GLB1L: variants seen among roughly 807,000 people sequenced by gnomAD.
GLB1L encodes the protein galactosidase beta 1 like, also known as beta-galactosidase-1-like protein.
Under a neutral mutation model 75.7 loss-of-function variants are expected in GLB1L, and 58 were observed. That is an observed-to-expected ratio of 0.77 (90% CI 0.62 to 0.95). The LOEUF is 0.95. GLB1L is among the 40% of genes least tolerant of loss of function. The pLI is 0.00. For missense variants in GLB1L, 797 were observed against 805.5 expected, an observed-to-expected ratio of 0.99 and a Z score of 0.13; for synonymous variants, 296 against 303.0, an observed-to-expected ratio of 0.98 and a Z score of 0.24.
At position 219,243,637 on chromosome 2, in the gene GLB1L, A is replaced by C; in HGVS notation, c.-64T>G. On this transcript the variant is annotated 5_prime_UTR_variant, in exon 2 of 17. Transcript: ENST00000295759. Reference sequence around the variant, plus strand: ...GACCGTCACGTGTCGGATTCCTGGGAGGGAACCTCAGCGAGCAAGGGGGCG... The same window carrying C: ...GACCGTCACGTGTCGGATTCCTGGGCGGGAACCTCAGCGAGCAAGGGGGCG... 6.5e-7 allele frequency: 1 copy of C among 1,549,672 alleles called. No individual in the cohort carries two copies. The highest frequency in any genetic ancestry group is 8.9e-7 in the Non-Finnish European group (1 of 1,123,114).
At chr2:219,240,342 T>G in intron 5 of GLB1L, 57 bp from the exon 6 acceptor site, 1 of 1,312,970 alleles carries the variant, frequency 7.6e-7, no homozygotes, top group African/African-American at 1.4e-5. Context: ...TGCTCACCAC[T>G]AAATATGGGA....
chr2:219,236,968 G>T lies in GLB1L; in HGVS notation c.*104C>A, dbSNP rs1316943130. The T allele has an allele frequency of 2.1e-5, 17 of 797,462 alleles. No individual in the cohort carries two copies. The highest frequency in any genetic ancestry group is 3.4e-5 in the Non-Finnish European group (17 of 492,770). The allele number at this position is 797,462 out of a possible 1,614,324, so 49.4% of individuals were successfully genotyped here. On this transcript the variant is annotated 3_prime_UTR_variant, in exon 17 of 17. Transcript: ENST00000295759. ...TTTAGTGGAGACGGGGTTTCACCATGTTGGCCAGGCTGGTCTTGAAGTCCT... is the reference window on the plus strand; with the variant it reads ...TTTAGTGGAGACGGGGTTTCACCATTTTGGCCAGGCTGGTCTTGAAGTCCT...
In GLB1L at chr2:219,238,305, G is replaced by A; in HGVS notation, c.1286C>T (p.Pro429Leu). Residue 429 changes from proline (P) to leucine (L), a missense_variant, in exon 14 of 17, where the codon CCA becomes CTA. Pro to Leu is a moderately conservative substitution (Grantham distance 98). Coordinates refer to ENST00000295759, the MANE Select transcript of GLB1L (RefSeq NM_001286423.2). The part of the protein sequence containing the change: ...YMTHTIFEPT[P>L]FWVPNNGVHD... ...GACTCCATTATTTGGCACCCAGAAT[G>A]GTGTTGGCTCAAAAATGGTATGGGT... The A allele has an allele frequency of 1.9e-6, 3 of 1,613,140 alleles. No homozygotes were observed. The highest frequency in any genetic ancestry group is 2.5e-6 in the Non-Finnish European group (3 of 1,179,404).
At chr2:219,243,389 A>G in intron 2 of GLB1L, 75 bp from the exon 3 acceptor site, 2 of 1,590,508 alleles carry the variant, frequency 1.3e-6, no homozygotes, top group South Asian at 1.1e-5. Flanking sequence ...CAAGAGCGGA[A>G]GAGATGGAAC....
At chr2:219,240,401 T>C (rs1951356329) in intron 5 of GLB1L, 116 bp from the exon 6 acceptor site, 1 of 832,110 alleles carries the variant, frequency 1.2e-6, no homozygotes, top group African/African-American at 1.7e-5. Flanking sequence ...CCTTGTATAT[T>C]TGCACGCCAA....
intron 4 of GLB1L, 76 bp downstream of exon 4, chr2:219,242,692 T>C: frequency 1.3e-6 from 2 of 1,558,218 alleles, no homozygotes; most frequent in Non-Finnish European, 1.8e-6. Flanking sequence ...GAGATGGCCC[T>C]AGAGTGTGGG....
In GLB1L at chr2:219,237,307, C is replaced by T. The variant is rs868298488; in HGVS notation, c.1730G>A (p.Trp577Ter). 3 of 1,614,000 alleles carry T rather than the reference C, an allele frequency of 1.9e-6. No homozygotes were observed. Among genetic ancestry groups the T allele is most frequent in the South Asian group, 2.2e-5 (2 of 91,082 alleles). Reference protein sequence around the residue: ...WINGFNLGRYWTKQGPQQTLY... With the variant: ...WINGFNLGRY ...GGTCTGTTGTGGCCCCTGCTTTGTC[C>T]AGTACCGGCCCAAGTTAAACCCATT... Residue 577 changes from tryptophan to a stop codon, truncating the protein, a stop_gained, in exon 17 of 17, where the codon TGG (tryptophan) becomes TAG (stop). Transcript: ENST00000295759. LOFTEE classifies it high-confidence loss of function.
chr2:219,242,384 C>T (rs1300037072), intron 5 of GLB1L, 130 bp downstream of exon 5: 3 of 767,452 alleles, frequency 3.9e-6, no homozygotes, highest in Non-Finnish European at 7.1e-6. Context: ...TAGCATCCTG[C>T]TGGGCATGAA....
intron 11 of GLB1L, 103 bp from the exon 12 acceptor site, chr2:219,238,882 T>G: frequency 2.9e-6 from 3 of 1,028,066 alleles, no homozygotes; most frequent in Non-Finnish European, 4.4e-6. Flanking sequence ...GGGAAGGGCT[T>G]CAGGGATCAT....
Position 219,239,549 on chromosome 2 carries a change from G to A in GLB1L, c.902+12C>T, listed in dbSNP as rs747002150. On this transcript the variant is annotated intron_variant, in intron 9 of 16. Coordinates refer to ENST00000295759, the MANE Select transcript of GLB1L (RefSeq NM_001286423.2). Reference sequence around the variant, plus strand: ...GCTACAGATTCATATTGCCCCCAGTGTCTTTACTTACATGTTCACACTGGC... The same window carrying A: ...GCTACAGATTCATATTGCCCCCAGTATCTTTACTTACATGTTCACACTGGC... The A allele has an allele frequency of 6.2e-6, 10 of 1,614,056 alleles. No homozygotes were observed. The highest frequency in any genetic ancestry group is 6.8e-6 in the Non-Finnish European group (8 of 1,180,040).
rs2125059381 is a variant in GLB1L, at chr2:219,242,867, A to T, written c.291T>A (p.Asn97Lys). ...GAAAGGCAATGAGGTCCCGGCTGCC[A>T]TTAAAGTTATAGACCCCAGGCTGTG... The part of the protein sequence containing the change: ...HEPQPGVYNF[N>K]GSRDLIAFLN... The change falls in exon 4 of 17, where the codon AAT becomes AAA. Residue 97 changes from asparagine (N) to lysine (K), a missense_variant. Physicochemically the swap from Asn to Lys is moderately conservative, Grantham distance 94. Coordinates refer to ENST00000295759, the MANE Select transcript of GLB1L (RefSeq NM_001286423.2). The T allele has an allele frequency of 6.2e-7, 1 of 1,614,224 alleles. No individual in the cohort carries two copies. Among genetic ancestry groups the T allele is most frequent in the Non-Finnish European group, 8.5e-7 (1 of 1,180,032 alleles).
chr2:219,241,463 T>TAC (rs1553567639), intron 5 of GLB1L, among the ~76,000 whole-genome samples: 44 of 137,574 alleles, frequency 3.2e-4, no homozygotes, highest in East Asian at 1.1e-3. Flanking sequence ...TATATATATA[T>TAC]ATACATACAT....
At position 219,239,801 on chromosome 2, in the gene GLB1L, G is replaced by A. The variant is rs201325778; in HGVS notation, c.754C>T (p.Arg252Trp). The change falls in exon 8 of 17, where the codon CGG (arginine) becomes TGG (tryptophan). Residue 252 changes from arginine to tryptophan, a missense_variant. By Grantham distance (101) the Arg-to-Trp change is moderately radical (BLOSUM62 -3). Transcript: ENST00000295759. The part of the protein sequence containing the change: ...DNMTKIFTLL[R>W]KYEPHGPLVN... ...AATGGCCCATGGGGTTCATACTTCC[G>A]AAGCAGGGTAAAGATTTTGGTCATG... The A allele has an allele frequency of 2.6e-4, 419 of 1,614,138 alleles. No individual in the cohort carries two copies. The highest frequency in any genetic ancestry group is 3.4e-4 in the Non-Finnish European group (402 of 1,180,028).
Position 219,242,524 on chromosome 2 carries a change from G to A in GLB1L, c.441C>T (p.Thr147=). 2.5e-6 allele frequency: 4 copies of A among 1,612,576 alleles called. No homozygotes were observed. The highest frequency in any genetic ancestry group is 3.4e-6 in the Non-Finnish European group (4 of 1,178,656). The change falls in exon 5 of 17, where the codon ACC becomes ACT. Residue 147 remains threonine (T), a synonymous_variant. Transcript: ENST00000295759. ...LLRKPEIHLR[T]SDPDFLAAVD... is the part of the protein sequence containing the mutation. ...TTTGTCTCAACTCACCTGGATCTGA[G>A]GTTCTTAGATGAATTTCAGGTTTTC...
chr2:219,240,976 C>T (rs923944103), intron 5 of GLB1L, among the ~76,000 whole-genome samples: 25 of 151,988 alleles, frequency 1.6e-4, no homozygotes, highest in African/African-American at 1.7e-4. Context: ...CCCAATTACT[C>T]GGGAGGCTGA....
rs1951450753 is a variant in GLB1L at position 219,243,529 on chromosome 2, C to T, written c.45G>A (p.Pro15=). ...GGGGCAGCAGTAGCGTCAGGCTGAG[C>T]GGCAGCAGCAGGGAACGAAGGCAGG... is the stretch of plus-strand genomic sequence containing the variant. ...KLSCLRSLLL[P]LSLTLLLPQA... is the part of the protein sequence containing the mutation. The change falls in exon 2 of 17, where the codon CCG becomes CCA. Residue 15 remains proline (P), a synonymous_variant. Coordinates refer to ENST00000295759, the MANE Select transcript of GLB1L (RefSeq NM_001286423.2). The T allele has an allele frequency of 1.2e-6, 2 of 1,614,184 alleles. No individual in the cohort carries two copies. Among genetic ancestry groups the T allele is most frequent in the African/African-American group, 1.3e-5 (1 of 75,050 alleles).
chr2:219,238,204 GGGAA>G (rs1951299090), intron 14 of GLB1L, 42 bp downstream of exon 14: 1 of 1,353,402 alleles, frequency 7.4e-7, no homozygotes, highest in African/African-American at 1.5e-5. Context: ...ACGCTTCCTG[GGGAA>G]GGGAGGAGTT....
intron 5 of GLB1L, among the ~76,000 whole-genome samples, chr2:219,240,526 G>A (rs1024476947): frequency 2.0e-5 from 3 of 151,504 alleles, no homozygotes; most frequent in African/African-American, 4.9e-5. Flanking sequence ...GGCAGATCAC[G>A]AGGTCAAGAG....
chr2:219,243,458 C>T (rs752932042), intron 2 of GLB1L, 44 bp downstream of exon 2: 1 of 1,609,996 alleles, frequency 6.2e-7, no homozygotes, highest in South Asian at 1.1e-5. Context: ...TGGATCTGAT[C>T]CCGCTCACCG....
Sources: allele counts gnomAD v4.1 joint callset (sites outside exome capture counted in the v4.1 genomes callset), GRCh38; gene constraint gnomAD v4.1.1; transcripts MANE v1.5; gene names NCBI Gene and HGNC (gene_info 2026-07-23, HGNC 2026-07-21).